The following CYP3A4 variants were observed in gnomAD, a reference collection of about 807,000 sequenced individuals.
The protein encoded by CYP3A4 is cytochrome P450 family 3 subfamily A member 4.
CYP3A4 carries 41 observed loss-of-function variants against 54.9 expected under a neutral mutation model. The ratio of observed to expected loss-of-function variants is 0.75; its 90% CI spans 0.58 to 0.97. CYP3A4 has a LOEUF of 0.97. Among genes scored for constraint, CYP3A4 ranks in the 50% least tolerant of loss-of-function variants. The pLI, the probability that CYP3A4 is intolerant of heterozygous loss-of-function variation, is 0.00. For synonymous variants in CYP3A4, 179 were observed against 205.2 expected, an observed-to-expected ratio of 0.87 and a Z score of 1.09; for missense variants, 510 against 597.3, an observed-to-expected ratio of 0.85 and a Z score of 1.52.
rs1217610285 is a variant in CYP3A4, at chr7:99,757,855, G to T, written c.*278C>A. The T allele has an allele frequency of 1.1e-5, 4 of 351,424 alleles. No individual in the cohort carries two copies. The highest frequency in any genetic ancestry group is 2.1e-5 in the Non-Finnish European group (4 of 189,226). 21.8% of individuals were successfully genotyped at this position (351,424 alleles called of 1,614,324 possible). A position where few individuals can be genotyped will look rare whatever the true frequency, so the allele number is the denominator to read the frequency against. On this transcript the variant is annotated 3_prime_UTR_variant, in exon 13 of 13. Coordinates refer to ENST00000651514, the MANE Select transcript of CYP3A4 (RefSeq NM_017460.6). ...TTATCAGAGCTCAGGAGGAGTTAATGGTGCTAACTGGGGGTGGTGGAAATA... is the reference window on the plus strand; with the variant it reads ...TTATCAGAGCTCAGGAGGAGTTAATTGTGCTAACTGGGGGTGGTGGAAATA...
Position 99,767,232 on chromosome 7 carries a change from G to T in CYP3A4, c.697C>A (p.Leu233Ile). ...ITVFPFLIPI[L>I]EVLNICVFPR... ...AACACACAGATATTTAATACTTCAA[G>T]AATTGGGATGAGGAATGGAAAGACT... Residue 233 changes from leucine (L) to isoleucine (I), a missense_variant, in exon 8 of 13, where the codon CTT becomes ATT. Leu to Ile is a conservative substitution (Grantham distance 5, BLOSUM62 2). Transcript: ENST00000651514. The T allele has an allele frequency of 1.2e-6, 2 of 1,600,784 alleles. No individual in the cohort carries two copies. The highest frequency in any genetic ancestry group is 1.7e-6 in the Non-Finnish European group (2 of 1,175,322).
At chr7:99,769,499 A>G (rs1173165940) in intron 6 of CYP3A4, 1 of 446,744 alleles carries the variant, frequency 2.2e-6, no homozygotes, top group Non-Finnish European at 4.1e-6. Flanking sequence ...CCTAAAGGAT[A>G]TATTTAGTCT....
Position 99,760,867 on chromosome 7 carries a change from T to C in CYP3A4, c.1368A>G (p.Leu456=), listed in dbSNP as rs138782122. The part of the protein sequence containing the change: ...RFALMNMKLA[L]IRVLQNFSFK... ...AGGAGAAGTTCTGAAGGACTCTGAT[T>C]AGAGCAAGTTTCATGTTCATGAGAG... The change falls in exon 12 of 13, where the codon CTA becomes CTG. Residue 456 remains leucine, a synonymous_variant. Transcript: ENST00000651514. 2.5e-6 allele frequency: 4 copies of C among 1,614,034 alleles called. No homozygotes were observed. Among genetic ancestry groups the C allele is most frequent in the Non-Finnish European group, 3.4e-6 (4 of 1,179,988 alleles).
At chr7:99,771,427 A>G (rs139921976) in intron 4 of CYP3A4, among the ~76,000 whole-genome samples, 8 of 152,342 alleles carry the variant, frequency 5.3e-5, no homozygotes, top group Non-Finnish European at 1.0e-4. Context: ...CAGGATCTCT[A>G]TGCTGAAAAC....
In CYP3A4 at chr7:99,758,078, TG is replaced by T; in HGVS notation, c.*54del. The T allele has an allele frequency of 7.1e-7, 1 of 1,400,574 alleles. No individual in the cohort carries two copies. The highest frequency in any genetic ancestry group is 1.0e-6 in the Non-Finnish European group (1 of 986,104). The allele number at this position is 1,400,574 out of a possible 1,614,324, so 86.8% of individuals were successfully genotyped here. A position where few individuals can be genotyped will look rare whatever the true frequency, so the allele number is the denominator to read the frequency against. On this transcript the variant is annotated 3_prime_UTR_variant, in exon 13 of 13. Coordinates refer to ENST00000651514, the MANE Select transcript of CYP3A4 (RefSeq NM_017460.6). Reference sequence around the variant, plus strand: ...TATTCACAAAGTAATTTGAGGTCTCTGGTGTTCTCAGGCACAGATTTCTTGA... The same window carrying T: ...TATTCACAAAGTAATTTGAGGTCTCTGTGTTCTCAGGCACAGATTTCTTGA...
In CYP3A4 at chr7:99,782,678, G is replaced by C. The variant is rs28988573; in HGVS notation, c.71+1333C>G. Among the ~76,000 whole-genome samples, 1,462 of 152,220 alleles carry C rather than the reference G, an allele frequency of 9.6e-3. 26 individuals are homozygous for C. The highest frequency in any genetic ancestry group is 0.034 in the African/African-American group (1,413 of 41,514). On this transcript the variant is annotated intron_variant, in intron 1 of 12. Transcript: ENST00000651514. ...TTGGAGTTCTACCCTGAGGGATGAGGAATATTTTCTTACTCCATTTTGATC... is the reference window on the plus strand; with the variant it reads ...TTGGAGTTCTACCCTGAGGGATGAGCAATATTTTCTTACTCCATTTTGATC...
intron 6 of CYP3A4, chr7:99,769,529 CAATT>C (rs1052237078): frequency 1.9e-6 from 1 of 526,554 alleles, no homozygotes; most frequent in African/African-American, 1.9e-5. Context: ...TCCAAGGTGA[CAATT>C]TAATGGATAT....
At chr7:99,760,677 A>T in intron 12 of CYP3A4, 142 bp downstream of exon 12, 2 of 1,145,920 alleles carry the variant, frequency 1.7e-6, no homozygotes, top group Non-Finnish European at 2.4e-6. Flanking sequence ...ACCCTTAAAG[A>T]TCACAGATGG....
intron 7 of CYP3A4, 144 bp downstream of exon 7, chr7:99,768,210 T>A (rs1330544566): frequency 9.8e-7 from 1 of 1,015,318 alleles, no homozygotes; most frequent in Non-Finnish European, 1.4e-6. Flanking sequence ...TTTAAAATGA[T>A]GATGGTCACA....
rs767370767 is a variant in CYP3A4 at position 99,760,881 on chromosome 7, T to C, written c.1354A>G (p.Met452Val). 1 of 1,614,186 alleles carries C rather than the reference T, an allele frequency of 6.2e-7. No individual in the cohort carries two copies. Among genetic ancestry groups the C allele is most frequent in the Non-Finnish European group, 8.5e-7 (1 of 1,180,000 alleles). ...AGGACTCTGATTAGAGCAAGTTTCA[T>C]GTTCATGAGAGCAAACCTCATGCCA... ...CIGMRFALMN[M>V]KLALIRVLQN... Residue 452 changes from methionine (M) to valine (V), a missense_variant, in exon 12 of 13, where the codon ATG becomes GTG. Around this residue, in one of 2 missense-constraint regions of CYP3A4, gnomAD observed 238 missense variants for 322.5 expected, o/e 0.74. Coordinates refer to ENST00000651514, the MANE Select transcript of CYP3A4 (RefSeq NM_017460.6).
At chr7:99,777,897 T>G (rs1456148323) in intron 3 of CYP3A4, 131 bp downstream of exon 3, 2 of 748,164 alleles carry the variant, frequency 2.7e-6, no homozygotes, top group Non-Finnish European at 4.7e-6. Flanking sequence ...TTCAGAGAAC[T>G]TCTCTCTGTT....
intron 1 of CYP3A4, 98 bp from the exon 2 acceptor site, chr7:99,780,183 C>T (rs781405272): frequency 9.5e-5 from 117 of 1,230,236 alleles, no homozygotes; most frequent in East Asian, 2.7e-4. Flanking sequence ...CTCAAGAGAA[C>T]GAGGTAACAT....
intron 6 of CYP3A4, 80 bp downstream of exon 6, chr7:99,769,688 C>T: frequency 1.3e-6 from 2 of 1,565,622 alleles, no homozygotes; most frequent in Non-Finnish European, 1.8e-6. Context: ...AATAACCCAA[C>T]AGCAGGAATA....
intron 1 of CYP3A4, among the ~76,000 whole-genome samples, chr7:99,780,442 C>A (rs1815890953): frequency 6.6e-6 from 1 of 152,154 alleles, no homozygotes; most frequent in African/African-American, 2.4e-5. Context: ...AGTGGCCTCT[C>A]CCCAAATTTG....
At chr7:99,769,538 G>A in intron 6 of CYP3A4, 1 of 544,376 alleles carries the variant, frequency 1.8e-6, no homozygotes, top group Non-Finnish European at 3.3e-6. Flanking sequence ...ACAATTTAAT[G>A]GATATGTAAA....
At chr7:99,782,292 G>T (rs1442159903) in intron 1 of CYP3A4, among the ~76,000 whole-genome samples, 1 of 152,196 alleles carries the variant, frequency 6.6e-6, no homozygotes, top group African/African-American at 2.4e-5. Flanking sequence ...GCAGAGGCTA[G>T]GCTGGGCAAA....
intron 2 of CYP3A4, among the ~76,000 whole-genome samples, chr7:99,778,358 T>C (rs1465451377): frequency 6.6e-6 from 1 of 152,226 alleles, no homozygotes; most frequent in African/African-American, 2.4e-5. Flanking sequence ...CTGATGTCTT[T>C]TTGCTTTTTC....
intron 1 of CYP3A4, among the ~76,000 whole-genome samples, chr7:99,781,980 G>T (rs1193562364): frequency 6.6e-6 from 1 of 152,230 alleles, no homozygotes; most frequent in African/African-American, 2.4e-5. Context: ...TCATGTTTGG[G>T]GGACCCAGCA....
Position 99,770,352 on chromosome 7 carries a change from G to C in CYP3A4, c.319-117C>G, listed in dbSNP as rs1161866490. On this transcript the variant is annotated intron_variant, in intron 4 of 12. Coordinates refer to ENST00000651514, the MANE Select transcript of CYP3A4 (RefSeq NM_017460.6). ...CAACTATTTAGTGACTGTCTACTGG[G>C]TGATGGGCCCTATGCTAGATGCTCA... The C allele has an allele frequency of 7.3e-6, 6 of 821,592 alleles. No individual in the cohort carries two copies. The African/African-American group carries it at 1.1e-4, about 15-fold the overall frequency. The allele number at this position is 821,592 out of a possible 1,614,324, so 50.9% of individuals were successfully genotyped here.
Sources: gnomAD v4.1 joint callset for allele counts (sites outside exome capture counted in the v4.1 genomes callset) on GRCh38, gnomAD v4.1.1 for gene constraint, gnomAD v4.1.1 regional missense constraint, MANE v1.5 for transcripts, NCBI Gene and HGNC (gene_info 2026-07-23, HGNC 2026-07-21) for gene names.